PIK3C3: variants seen among roughly 807,000 people sequenced by gnomAD.
PIK3C3 encodes PI3-kinase type 3.
In PIK3C3, 95 loss-of-function variants were observed where a neutral mutation model predicts 126.1. The observed-to-expected ratio is 0.75, with a 90% CI of 0.64 to 0.89. PIK3C3 has a LOEUF of 0.89. Ranked by LOEUF, PIK3C3 falls within the 40% of genes least tolerant of loss-of-function variation. The pLI, the probability that PIK3C3 is intolerant of heterozygous loss-of-function variation, is 0.00. For synonymous variants in PIK3C3, 374 were observed against 360.0 expected (o/e 1.04, Z -0.44); for missense variants, 829 against 1,063.2 (o/e 0.78, Z 3.06).
Position 42,084,275 on chromosome 18 carries a change from T to C in PIK3C3, c.*3138T>C, listed in dbSNP as rs964726447. 19 of 152,152 alleles carry C rather than the reference T, an allele frequency of 1.2e-4. No individual in the cohort carries two copies. The highest frequency in any genetic ancestry group is 4.6e-4 in the African/African-American group (19 of 41,430). The allele number at this position is 152,152 out of a possible 1,614,324, so 9.4% of individuals were successfully genotyped here. ...TTCTAAGGAGCATTTTGTAAGTAAT[T>C]ACTAATGTTTATTTTAGAGAGATCA... is the stretch of plus-strand genomic sequence containing the variant. On this transcript the variant is annotated 3_prime_UTR_variant, in exon 25 of 25. Coordinates refer to ENST00000262039, the MANE Select transcript of PIK3C3 (RefSeq NM_002647.4).
At chr18:41,997,062 T>G (rs986080888) in intron 9 of PIK3C3, among the ~76,000 whole-genome samples, 1 of 152,028 alleles carries the variant, frequency 6.6e-6, no homozygotes, top group Non-Finnish European at 1.5e-5. Context: ...TGGCGACAGT[T>G]CTCCTTCACA....
intron 24 of PIK3C3, among the ~76,000 whole-genome samples, chr18:42,072,860 G>A (rs575366): frequency 0.074 from 11,253 of 152,094 alleles, 1,375 homozygotes; most frequent in African/African-American, 0.25. Flanking sequence ...CAGTGCTTTC[G>A]AGGGTTGTAT....
chr18:41,992,970 T>C (rs529189444), intron 6 of PIK3C3, among the ~76,000 whole-genome samples: 1 of 152,248 alleles, frequency 6.6e-6, no homozygotes, highest in East Asian at 1.9e-4. Context: ...CCACTGTCAT[T>C]ATATGAACGA....
intron 19 of PIK3C3, among the ~76,000 whole-genome samples, chr18:42,042,837 G>A (rs1214517436): frequency 6.6e-6 from 1 of 152,170 alleles, no homozygotes; most frequent in African/African-American, 2.4e-5. Flanking sequence ...CCAAATCGTA[G>A]TGTTGCCAAA....
intron 4 of PIK3C3, among the ~76,000 whole-genome samples, chr18:41,975,677 T>C (rs1319471518): frequency 1.3e-5 from 2 of 151,252 alleles, no homozygotes; most frequent in African/African-American, 4.9e-5. Context: ...TTTCTCAGTT[T>C]TGGGAAATCT....
intron 2 of PIK3C3, among the ~76,000 whole-genome samples, chr18:41,958,085 CT>C (rs1568108555): frequency 1.3e-5 from 2 of 152,156 alleles, no homozygotes; most frequent in Non-Finnish European, 2.9e-5. Flanking sequence ...ATAAATACTT[CT>C]GGATAGTCTG....
At chr18:42,076,182 A>C (rs1986017739) in intron 24 of PIK3C3, among the ~76,000 whole-genome samples, 1 of 110,348 alleles carries the variant, frequency 9.1e-6, no homozygotes, top group Admixed American at 9.7e-5. Context: ...ATATATGCAC[A>C]TATATATATG....
chr18:41,977,472 G>C (rs1009490307), intron 4 of PIK3C3, among the ~76,000 whole-genome samples: 2 of 151,998 alleles, frequency 1.3e-5, no homozygotes, highest in Non-Finnish European at 2.9e-5. Context: ...AGAGCCATGA[G>C]AGGAAGTGGC....
chr18:42,054,165 T>G (rs1261656149), intron 21 of PIK3C3, among the ~76,000 whole-genome samples: 9 of 43,626 alleles, frequency 2.1e-4, no homozygotes, highest in Admixed American at 1.1e-3. Flanking sequence ...TATATATATA[T>G]ATATATATAT....
Position 42,038,771 on chromosome 18 carries a change from T to C in PIK3C3, c.1969-10T>C. The stretch of plus-strand genomic sequence containing the variant: ...CATTTGGTTAATATATTTTACCTTT[T>C]GATTAAAAGCTGTTACGGAAAGAAA... On this transcript the variant is annotated splice_polypyrimidine_tract_variant and intron_variant, in intron 17 of 24. Coordinates refer to ENST00000262039, the MANE Select transcript of PIK3C3 (RefSeq NM_002647.4). The C allele has an allele frequency of 6.4e-7, 1 of 1,574,606 alleles. No individual in the cohort carries two copies. Among genetic ancestry groups the C allele is most frequent in the Non-Finnish European group, 8.7e-7 (1 of 1,145,628 alleles).
At chr18:41,999,271 T>G (rs1982170340) in intron 9 of PIK3C3, among the ~76,000 whole-genome samples, 1 of 152,188 alleles carries the variant, frequency 6.6e-6, no homozygotes, top group African/African-American at 2.4e-5. Context: ...TACTGTAATT[T>G]TTCAAAACTA....
intron 22 of PIK3C3, among the ~76,000 whole-genome samples, chr18:42,062,970 A>G (rs2144513762): frequency 6.6e-6 from 1 of 152,270 alleles, no homozygotes; most frequent in East Asian, 1.9e-4. Context: ...ATAGCCTGAT[A>G]ACCCCCATGT....
At chr18:41,984,957 A>G (rs1356224764) in intron 4 of PIK3C3, 1 of 152,186 alleles carries the variant, frequency 6.6e-6, no homozygotes, top group Admixed American at 6.6e-5. Context: ...ACATTAAGCC[A>G]TCATGTAAGA....
intron 3 of PIK3C3, among the ~76,000 whole-genome samples, chr18:41,964,815 AAG>A (rs1012821799): frequency 6.6e-6 from 1 of 152,048 alleles, no homozygotes; most frequent in Non-Finnish European, 1.5e-5. Context: ...TATCCAGGAA[AAG>A]AGTGTGTCAG....
At chr18:42,076,795 C>A (rs1986050528) in intron 24 of PIK3C3, among the ~76,000 whole-genome samples, 1 of 152,158 alleles carries the variant, frequency 6.6e-6, no homozygotes. Context: ...ACTTGAATGT[C>A]ATCCTTGATA....
chr18:41,964,103 A>G (rs909456671), intron 3 of PIK3C3, among the ~76,000 whole-genome samples: 2 of 152,096 alleles, frequency 1.3e-5, no homozygotes, highest in Admixed American at 6.5e-5. Flanking sequence ...ATTCCTTTAT[A>G]TTAAAATCTT....
chr18:42,016,831 G>A (rs1342855321), intron 12 of PIK3C3, among the ~76,000 whole-genome samples: 3 of 152,072 alleles, frequency 2.0e-5, no homozygotes, highest in African/African-American at 4.8e-5. Flanking sequence ...CCATTAGTCC[G>A]AATGAGTTTT....
Position 42,057,926 on chromosome 18 carries a change from T to A in PIK3C3, c.2307T>A (p.Asp769Glu). The change falls in exon 22 of 25, where the codon GAT becomes GAA. Residue 769 changes from aspartate to glutamate, a missense_variant. Around this residue, in one of 4 missense-constraint regions of PIK3C3, gnomAD observed 196 missense variants for 312.8 expected, o/e 0.63. Coordinates refer to ENST00000262039, the MANE Select transcript of PIK3C3 (RefSeq NM_002647.4). ...HIDFGYILGR[D>E]PKPLPPPMKL... ...ACTTTGGATATATTTTGGGTCGGGA[T>A]CCAAAGCCTCTTCCTCCACCAATGA... is the stretch of plus-strand genomic sequence containing the variant. The A allele has an allele frequency of 6.2e-7, 1 of 1,613,816 alleles. No homozygotes were observed. Among genetic ancestry groups the A allele is most frequent in the Non-Finnish European group, 8.5e-7 (1 of 1,179,830 alleles).
intron 21 of PIK3C3, among the ~76,000 whole-genome samples, chr18:42,051,949 A>AATG (rs1984822992): frequency 6.6e-6 from 1 of 151,828 alleles, no homozygotes; most frequent in Non-Finnish European, 1.5e-5. Context: ...CGTTGTGCAC[A>AATG]TGTACCCTAA....
Sources: gnomAD v4.1 joint callset for allele counts (sites outside exome capture counted in the v4.1 genomes callset) on GRCh38, gnomAD v4.1.1 for gene constraint, gnomAD v4.1.1 regional missense constraint, MANE v1.5 for transcripts, NCBI Gene and HGNC (gene_info 2026-07-23, HGNC 2026-07-21) for gene names.